HEPHL1: variants seen among roughly 807,000 people sequenced by gnomAD.
HEPHL1 encodes hephaestin like 1, also known as ferroxidase HEPHL1.
HEPHL1 carries 123 observed loss-of-function variants against 122.0 expected under a neutral mutation model. The ratio of observed to expected loss-of-function variants is 1.01; its 90% CI spans 0.87 to 1.17. The LOEUF (loss-of-function observed/expected upper bound fraction) is 1.17. HEPHL1 is among the 50% of genes most tolerant of loss of function. HEPHL1 has a pLI of 0.00. For missense variants in HEPHL1, 1,452 were observed against 1,430.5 expected, an observed-to-expected ratio of 1.01 and a Z score of -0.24; for synonymous variants, 527 against 508.9, an observed-to-expected ratio of 1.04 and a Z score of -0.48.
In HEPHL1 at chr11:94,021,416, G is replaced by A. The variant is rs1220557049; in HGVS notation, c.48G>A (p.Leu16=). ...GCTGCATCTTTCTCCTCACATTCCT[G>A]GGTCTGTCTGGGCTGGTTGGCACAG... ...PAGCIFLLTF[L]GLSGLVGTVT... The change falls in exon 1 of 20, where the codon CTG becomes CTA. Residue 16 remains leucine (L), a synonymous_variant. Transcript: ENST00000315765. The A allele has an allele frequency of 6.2e-7, 1 of 1,613,566 alleles. No homozygotes were observed. The highest frequency in any genetic ancestry group is 2.2e-5 in the East Asian group (1 of 44,858).
chr11:94,055,614 C>G (rs538998794), intron 2 of HEPHL1: 26 of 369,434 alleles, frequency 7.0e-5, no homozygotes, highest in African/African-American at 5.4e-4. Flanking sequence ...TAGTGATGTA[C>G]AGCAGCACAC....
chr11:94,036,784 A>T (rs1945728698), intron 1 of HEPHL1, among the ~76,000 whole-genome samples: 1 of 147,010 alleles, frequency 6.8e-6, no homozygotes, highest in Admixed American at 6.9e-5. Context: ...GGTTGCAGTG[A>T]GCCTAGATCG....
At position 94,045,655 on chromosome 11, in the gene HEPHL1, T is replaced by C. The variant is rs185301555; in HGVS notation, c.171-18T>C. The C allele has an allele frequency of 5.8e-6, 9 of 1,563,530 alleles. No homozygotes were observed. The African/African-American group carries it at 1.2e-4, about 21-fold the overall frequency. On this transcript the variant is annotated intron_variant, in intron 1 of 19. Transcript: ENST00000315765. ...CTCTTTTCATTTCAATTAAAAATGTTTTTCTTCTTACTTTTAGACTTGCAA... is the reference window on the plus strand; with the variant it reads ...CTCTTTTCATTTCAATTAAAAATGTCTTTCTTCTTACTTTTAGACTTGCAA...
rs989459954 is a variant in HEPHL1, at chr11:94,111,099, C to T, written c.3208+34C>T. ...GTCTGTCAGTGATGCCAGATGATGG[C>T]ACCGAGCTTCCTGTAGACCCCCAAA... On this transcript the variant is annotated intron_variant, in intron 18 of 19. Transcript: ENST00000315765. 7.9e-6 allele frequency: 12 copies of T among 1,528,636 alleles called. No individual in the cohort carries two copies. In the East Asian group the frequency reaches 2.2e-4, roughly 28 times the overall value. The allele number at this position is 1,528,636 out of a possible 1,614,324, so 94.7% of individuals were successfully genotyped here.
chr11:94,097,388 G>C (rs1175301192), intron 13 of HEPHL1, among the ~76,000 whole-genome samples: 1 of 152,182 alleles, frequency 6.6e-6, no homozygotes, highest in Non-Finnish European at 1.5e-5. Flanking sequence ...GAGACAGTTT[G>C]TTATAATTTC....
intron 17 of HEPHL1, among the ~76,000 whole-genome samples, chr11:94,108,288 T>C (rs1411909691): frequency 6.6e-6 from 1 of 152,158 alleles, no homozygotes; most frequent in Non-Finnish European, 1.5e-5. Context: ...GAGGGCTTTA[T>C]ATATTCTGGA....
In HEPHL1 at chr11:94,086,281, G is replaced by C. The variant is rs1946217784; in HGVS notation, c.2080+92G>C. The C allele has an allele frequency of 5.4e-6, 5 of 934,222 alleles. No individual in the cohort carries two copies. The South Asian group carries it at 5.8e-5, about 11-fold the overall frequency. The allele number at this position is 934,222 out of a possible 1,614,324, so 57.9% of individuals were successfully genotyped here. On this transcript the variant is annotated intron_variant, in intron 11 of 19. Transcript: ENST00000315765. Reference sequence around the variant, plus strand: ...CCCACAGAAGAAATTGGTAGACTTTGTGCACTTCAAGTGGTGTAGAAATAG... The same window carrying C: ...CCCACAGAAGAAATTGGTAGACTTTCTGCACTTCAAGTGGTGTAGAAATAG...
chr11:94,076,301 A>G lies in HEPHL1; in HGVS notation c.1716+916A>G, dbSNP rs1463043576. On this transcript the variant is annotated intron_variant, in intron 9 of 19. Coordinates refer to ENST00000315765, the MANE Select transcript of HEPHL1 (RefSeq NM_001098672.2). ...TTCATATTTTAAAGCTGAAGAAACT[A>G]AGGCTCAGAGACATTGAGTAGAATT... 2.0e-5 allele frequency among the ~76,000 whole-genome samples: 3 copies of G among 152,194 alleles called. No homozygotes were observed. In the East Asian group the frequency reaches 5.8e-4, roughly 29 times the overall value.
At chr11:94,105,830 T>G (rs1346576517) in intron 16 of HEPHL1, among the ~76,000 whole-genome samples, 161 bp from the exon 17 acceptor site, 1 of 152,182 alleles carries the variant, frequency 6.6e-6, no homozygotes, top group African/African-American at 2.4e-5. Context: ...TTATCTGAAT[T>G]TTGGGTCTAG....
intron 11 of HEPHL1, among the ~76,000 whole-genome samples, chr11:94,088,542 A>G (rs1201554555): frequency 6.6e-6 from 1 of 152,166 alleles, no homozygotes; most frequent in Non-Finnish European, 1.5e-5. Flanking sequence ...ATAACAAATG[A>G]ATTTTGGACA....
chr11:94,075,835 C>T (rs1757464507), intron 9 of HEPHL1, among the ~76,000 whole-genome samples: 1 of 151,848 alleles, frequency 6.6e-6, no homozygotes, highest in South Asian at 2.1e-4. Flanking sequence ...ACCACTGTGA[C>T]CCACAACTGT....
rs1004543640 is a variant in HEPHL1 at position 94,113,539 on chromosome 11, A to G, written c.*1645A>G. 6.6e-6 allele frequency: 1 copy of G among 152,226 alleles called. No individual in the cohort carries two copies. Among genetic ancestry groups the G allele is most frequent in the African/African-American group, 2.4e-5 (1 of 41,462 alleles). 9.4% of individuals were successfully genotyped at this position (152,226 alleles called of 1,614,324 possible). A position where few individuals can be genotyped will look rare whatever the true frequency, so the allele number is the denominator to read the frequency against. On this transcript the variant is annotated 3_prime_UTR_variant, in exon 20 of 20. Coordinates refer to ENST00000315765, the MANE Select transcript of HEPHL1 (RefSeq NM_001098672.2). The stretch of plus-strand genomic sequence containing the variant: ...AATTTCAATCTGCTAACCATTGACA[A>G]TGTGATTTCATAGTACATGTTCTAC...
At chr11:94,090,099 C>A (rs1946254503) in intron 12 of HEPHL1, among the ~76,000 whole-genome samples, 1 of 151,694 alleles carries the variant, frequency 6.6e-6, no homozygotes, top group Non-Finnish European at 1.5e-5. Context: ...ATGGTTCTAC[C>A]TTCTGGATAC....
At chr11:94,086,273 T>A in intron 11 of HEPHL1, 84 bp downstream of exon 11, 1 of 1,040,622 alleles carries the variant, frequency 9.6e-7, no homozygotes, top group Non-Finnish European at 1.4e-6. Flanking sequence ...AAGAAATTGG[T>A]AGACTTTGTG....
At chr11:94,067,172 G>T (rs1946041372) in intron 4 of HEPHL1, among the ~76,000 whole-genome samples, 1 of 152,156 alleles carries the variant, frequency 6.6e-6, no homozygotes, top group African/African-American at 2.4e-5. Flanking sequence ...ATGACAGAAG[G>T]TGACTGAGCC....
chr11:94,088,188 T>G (rs1946233288), intron 11 of HEPHL1, among the ~76,000 whole-genome samples: 2 of 152,246 alleles, frequency 1.3e-5, no homozygotes, highest in African/African-American at 4.8e-5. Flanking sequence ...TTCTGTTTCC[T>G]TTTCATTTAG....
At chr11:94,021,567 C>G (rs748321442) in intron 1 of HEPHL1, 29 bp downstream of exon 1, 2 of 1,553,266 alleles carry the variant, frequency 1.3e-6, no homozygotes, top group African/African-American at 1.4e-5. Flanking sequence ...CTCATTGACT[C>G]CCAGGTTTGG....
chr11:94,063,966 A>G (rs2134427326), intron 3 of HEPHL1, among the ~76,000 whole-genome samples: 1 of 152,364 alleles, frequency 6.6e-6, no homozygotes, highest in East Asian at 1.9e-4. Context: ...CACAATGTAT[A>G]GAAAAGTGAG....
intron 5 of HEPHL1, among the ~76,000 whole-genome samples, chr11:94,068,591 C>T (rs1436637454): frequency 6.6e-6 from 1 of 152,126 alleles, no homozygotes; most frequent in Non-Finnish European, 1.5e-5. Flanking sequence ...GGAGGCTCAT[C>T]AGGCCCCTTA....
Sources: gnomAD v4.1 joint callset for allele counts (sites outside exome capture counted in the v4.1 genomes callset) on GRCh38, gnomAD v4.1.1 for gene constraint, MANE v1.5 for transcripts, NCBI Gene and HGNC (gene_info 2026-07-23, HGNC 2026-07-21) for gene names.